Variants in RERE observed in about 807,000 individuals in gnomAD.
RERE encodes the protein arginine-glutamic acid dipeptide repeats.
Under a neutral mutation model 146.1 loss-of-function variants are expected in RERE, and 40 were observed. That is an observed-to-expected ratio of 0.27 (90% CI 0.21 to 0.36). The LOEUF (loss-of-function observed/expected upper bound fraction) is 0.36. Among genes scored for constraint, RERE ranks in the 10% least tolerant of loss-of-function variants. RERE has a pLI of 1.00. For missense variants in RERE, 1,933 were observed against 2,138.7 expected, an observed-to-expected ratio of 0.90 and a Z score of 1.90; for synonymous variants, 1,003 against 866.0, an observed-to-expected ratio of 1.16 and a Z score of -2.78.
intron 1 of RERE, among the ~76,000 whole-genome samples, chr1:8,800,857 C>T (rs1033930164): frequency 4.6e-5 from 7 of 152,144 alleles, no homozygotes; most frequent in African/African-American, 1.7e-4. Context: ...CCCAGCTATT[C>T]GAGAGGCTGA....
intron 1 of RERE, among the ~76,000 whole-genome samples, chr1:8,757,589 T>TGAG (rs1640667169): frequency 6.6e-6 from 1 of 151,898 alleles, no homozygotes; most frequent in South Asian, 2.1e-4. Flanking sequence ...ATTCCTGTCT[T>TGAG]TCTCAACTCC....
chr1:8,361,113 G>T lies in RERE; in HGVS notation c.2394C>A (p.Thr798=). ...GCAAGGCCGGTGCCTGTTGGATGTG[G>T]GTGTGGGGAACAGGCGCTGTGGGAG... ...PQAPTAPVPH[T]HIQQAPALHP... Residue 798 remains threonine (T), a synonymous_variant, in exon 18 of 23, where the codon ACC becomes ACA. Coordinates refer to ENST00000400908, the MANE Select transcript of RERE (RefSeq NM_001042681.2). The T allele has an allele frequency of 6.9e-7, 1 of 1,443,118 alleles. No homozygotes were observed. The allele number at this position is 1,443,118 out of a possible 1,614,324, so 89.4% of individuals were successfully genotyped here.
chr1:8,585,464 C>T (rs921989374), intron 4 of RERE, among the ~76,000 whole-genome samples: 6 of 152,216 alleles, frequency 3.9e-5, no homozygotes, highest in South Asian at 2.1e-4. Flanking sequence ...TATGCTCTTG[C>T]GATAACATCT....
At chr1:8,526,027 G>GACGCAATCAATCTC in intron 7 of RERE, 1 of 1,259,152 alleles carries the variant, frequency 7.9e-7, no homozygotes, top group Non-Finnish European at 1.0e-6. Flanking sequence ...GTCTCTCCAC[G>GACGCAATCAATCTC]ACGCAATCAA....
chr1:8,427,820 C>T (rs544810654), intron 11 of RERE, among the ~76,000 whole-genome samples: 6 of 152,184 alleles, frequency 3.9e-5, no homozygotes, highest in South Asian at 4.2e-4. Context: ...CGACCACTCA[C>T]AGTAGTCAAT....
Position 8,694,119 on chromosome 1 carries a change from GCTAGC to G in RERE, c.-144-37683_-144-37679del, listed in dbSNP as rs1416200515. ...TTTTCCATTCAAAGAGCCAGGAAGT[GCTAGC>G]CAGAGCAATCAGGCAACAGAAAGAA... is the stretch of plus-strand genomic sequence containing the variant. On this transcript the variant is annotated intron_variant, in intron 1 of 22. Transcript: ENST00000400908. Among the ~76,000 whole-genome samples, 4 of 150,494 alleles carry G rather than the reference GCTAGC, an allele frequency of 2.7e-5. No homozygotes were observed. The East Asian group carries it at 7.7e-4, about 29-fold the overall frequency.
chr1:8,428,884 CCT>C lies in RERE; in HGVS notation c.1204-6079_1204-6078del, dbSNP rs753348230. Reference sequence around the variant, plus strand: ...CTCATGCTATTGCTTGAGCCCACCCCCTGTCATAGTCCCCCAAGCCTTGTGCC... The same window carrying C: ...CTCATGCTATTGCTTGAGCCCACCCCGTCATAGTCCCCCAAGCCTTGTGCC... On this transcript the variant is annotated intron_variant, in intron 11 of 22. Transcript: ENST00000400908. Among the ~76,000 whole-genome samples the C allele has an allele frequency of 2.6e-5, 4 of 152,106 alleles. No homozygotes were observed. The East Asian group carries it at 5.8e-4, about 22-fold the overall frequency.
chr1:8,468,411 G>C (rs374402897), intron 10 of RERE, among the ~76,000 whole-genome samples: 1 of 152,066 alleles, frequency 6.6e-6, no homozygotes, highest in Non-Finnish European at 1.5e-5. Flanking sequence ...TATAATCACA[G>C]GTCAACGTGG....
intron 11 of RERE, among the ~76,000 whole-genome samples, chr1:8,428,120 T>C (rs1456938423): frequency 6.6e-6 from 1 of 152,114 alleles, no homozygotes; most frequent in African/African-American, 2.4e-5. Context: ...ACTCCCAGTG[T>C]ATAGATATTA....
chr1:8,698,816 C>A (rs1639388494), intron 1 of RERE, among the ~76,000 whole-genome samples: 1 of 152,092 alleles, frequency 6.6e-6, no homozygotes, highest in African/African-American at 2.4e-5. Context: ...CTGCACCTGG[C>A]CCCAACACTT....
At chr1:8,456,320 T>C (rs967262889) in intron 11 of RERE, among the ~76,000 whole-genome samples, 4 of 152,200 alleles carry the variant, frequency 2.6e-5, no homozygotes, top group African/African-American at 9.6e-5. Flanking sequence ...TGCTCCAAGA[T>C]AGAGGTAGAG....
intron 4 of RERE, among the ~76,000 whole-genome samples, chr1:8,604,724 T>G (rs1051548531): frequency 1.3e-5 from 2 of 152,016 alleles, no homozygotes; most frequent in African/African-American, 2.4e-5. Context: ...TTTCTGTATT[T>G]CTCTACATTA....
intron 1 of RERE, among the ~76,000 whole-genome samples, chr1:8,683,979 C>T (rs1222901315): frequency 6.6e-6 from 1 of 152,164 alleles, no homozygotes; most frequent in African/African-American, 2.4e-5. Flanking sequence ...CAGCTACCAA[C>T]TCCTTGGGGA....
intron 1 of RERE, among the ~76,000 whole-genome samples, chr1:8,778,745 AG>A (rs1428290350): frequency 6.6e-6 from 1 of 151,982 alleles, no homozygotes; most frequent in African/African-American, 2.4e-5. Context: ...CTGAGGAGGG[AG>A]GATCACTTGA....
At position 8,391,032 on chromosome 1, in the gene RERE, C is replaced by T. The variant is rs140593954; in HGVS notation, c.1285-25058G>A. Reference sequence around the variant, plus strand: ...GGGTCACCTTCCATGATCACACTGACTCCTACCTGGCGCTCAGTTTCCACT... The same window carrying T: ...GGGTCACCTTCCATGATCACACTGATTCCTACCTGGCGCTCAGTTTCCACT... On this transcript the variant is annotated intron_variant, in intron 12 of 22. Coordinates refer to ENST00000400908, the MANE Select transcript of RERE (RefSeq NM_001042681.2). Among the ~76,000 whole-genome samples, 11 of 152,326 alleles carry T rather than the reference C, an allele frequency of 7.2e-5. No individual in the cohort carries two copies. The East Asian group carries it at 1.5e-3, about 21-fold the overall frequency.
At chr1:8,813,354 T>C (rs1172237739) in intron 1 of RERE, among the ~76,000 whole-genome samples, 1 of 152,190 alleles carries the variant, frequency 6.6e-6, no homozygotes, top group Non-Finnish European at 1.5e-5. Flanking sequence ...GAAAGCATAC[T>C]ACTCTCAAAA....
At position 8,360,904 on chromosome 1, in the gene RERE, G is replaced by T. The variant is rs1210674105; in HGVS notation, c.2603C>A (p.Pro868His). 21 of 1,496,114 alleles carry T rather than the reference G, an allele frequency of 1.4e-5. No homozygotes were observed. The highest frequency in any genetic ancestry group is 1.7e-5 in the Non-Finnish European group (19 of 1,129,610). 92.7% of individuals were successfully genotyped at this position (1,496,114 alleles called of 1,614,324 possible). Residue 868 changes from proline (P) to histidine (H), a missense_variant, in exon 18 of 23, where the codon CCC becomes CAC. Around this residue, in one of 11 missense-constraint regions of RERE, gnomAD observed 1,255 missense variants for 1,153.8 expected, o/e 1.09. Transcript: ENST00000400908. Reference sequence around the variant, plus strand: ...GGGAGGGAGGCCAAAGGGCTGTGGGGGGCCTGGGTGCTGCAGCAGGGGCCC... The same window carrying T: ...GGGAGGGAGGCCAAAGGGCTGTGGGTGGCCTGGGTGCTGCAGCAGGGGCCC... Reference protein sequence around the residue: ...QAGPLLQHPGPPQPFGLPPQA... With the variant: ...QAGPLLQHPGHPQPFGLPPQA...
intron 1 of RERE, among the ~76,000 whole-genome samples, chr1:8,776,366 T>C (rs1289349865): frequency 6.6e-6 from 1 of 151,978 alleles, no homozygotes; most frequent in African/African-American, 2.4e-5. Context: ...GGTGTGATAC[T>C]GGCTCGTTGC....
At chr1:8,640,274 C>CT (rs199981749) in intron 2 of RERE, among the ~76,000 whole-genome samples, 44 of 149,856 alleles carry the variant, frequency 2.9e-4, no homozygotes, top group Admixed American at 2.5e-3. Context: ...CCCCTCCCAA[C>CT]TTTTTTTTTT....
Sources: allele counts gnomAD v4.1 joint callset (sites outside exome capture counted in the v4.1 genomes callset), GRCh38; gene constraint gnomAD v4.1.1; regional missense constraint gnomAD v4.1.1; transcripts MANE v1.5; gene names NCBI Gene and HGNC (gene_info 2026-07-23, HGNC 2026-07-21).